The following TNRC6C variants were observed in gnomAD, a reference collection of about 807,000 sequenced individuals.
TNRC6C encodes the protein trinucleotide repeat containing adaptor 6C.
In TNRC6C, 20 loss-of-function variants were observed where a neutral mutation model predicts 153.7. The observed-to-expected ratio is 0.13, with a 90% CI of 0.09 to 0.19. The LOEUF is 0.19. Among genes scored for constraint, TNRC6C ranks in the 10% least tolerant of loss-of-function variants. TNRC6C has a pLI of 1.00. For missense variants in TNRC6C, 1,987 were observed against 2,172.0 expected, an observed-to-expected ratio of 0.91 and a Z score of 1.69; for synonymous variants, 811 against 841.4, an observed-to-expected ratio of 0.96 and a Z score of 0.63.
At chr17:78,015,861 G>A (rs1316239210) in intron 1 of TNRC6C, among the ~76,000 whole-genome samples, 10 of 152,142 alleles carry the variant, frequency 6.6e-5, no homozygotes, top group South Asian at 2.1e-4. Flanking sequence ...GCAGTAAGCC[G>A]AGATCATGCC....
intron 2 of TNRC6C, among the ~76,000 whole-genome samples, chr17:78,047,922 A>G (rs907844925): frequency 6.6e-6 from 1 of 152,244 alleles, no homozygotes; most frequent in African/African-American, 2.4e-5. Flanking sequence ...TGTTAAAGTC[A>G]TAGGAAATAA....
chr17:78,069,507 C>T (rs1208364633), intron 5 of TNRC6C, among the ~76,000 whole-genome samples: 2 of 152,194 alleles, frequency 1.3e-5, no homozygotes, highest in Non-Finnish European at 2.9e-5. Context: ...CCTCAGCCTC[C>T]TGAGTAGCTG....
In TNRC6C at chr17:78,077,893, C is replaced by T. The variant is rs142765153; in HGVS notation, c.3210+559C>T. ...AGGAAGGACCTGAGAGTGTTGTTTG[C>T]CACTTCATCTCACTTTTCTCATATA... On this transcript the variant is annotated intron_variant, in intron 9 of 19. Coordinates refer to ENST00000301624, the Ensembl canonical transcript of TNRC6C. 6.6e-3 allele frequency: 1,029 copies of T among 155,670 alleles called. 8 individuals carry two copies. The highest frequency in any genetic ancestry group is 0.019 in the Admixed American group (309 of 15,856). 9.6% of individuals were successfully genotyped at this position (155,670 alleles called of 1,614,324 possible).
chr17:78,044,245 G>T (rs1042234770), intron 2 of TNRC6C, among the ~76,000 whole-genome samples: 3 of 152,084 alleles, frequency 2.0e-5, no homozygotes, highest in Non-Finnish European at 4.4e-5. Context: ...CAGTTAAGTT[G>T]GTTGCTAGTC....
At chr17:78,101,536 G>GAC (rs910781278) in intron 17 of TNRC6C, among the ~76,000 whole-genome samples, 1 of 152,138 alleles carries the variant, frequency 6.6e-6, no homozygotes, top group Non-Finnish European at 1.5e-5. Context: ...AGGAATTAAA[G>GAC]ACACACACAC....
Position 77,981,370 on chromosome 17 carries a change from A to G in TNRC6C, c.-38+22102A>G, listed in dbSNP as rs189272926. ...TTGGAGGGTAGGGCTGAAAGTCCTA[A>G]CCTTCTAATCCTGCCTTGGTGTTTA... is the stretch of plus-strand genomic sequence containing the variant. On this transcript the variant is annotated intron_variant, in intron 1 of 22. Coordinates refer to the TNRC6C transcript ENST00000636222. Among the ~76,000 whole-genome samples the G allele has an allele frequency of 1.4e-3, 214 of 152,206 alleles. 1 individual carries two copies. Among genetic ancestry groups the G allele is most frequent in the African/African-American group, 4.9e-3 (204 of 41,522 alleles).
intron 1 of TNRC6C, among the ~76,000 whole-genome samples, chr17:78,019,800 G>A (rs2071798036): frequency 6.6e-6 from 1 of 152,180 alleles, no homozygotes; most frequent in Admixed American, 6.5e-5. Context: ...AAAAGGGTAG[G>A]TTCCCATGTG....
chr17:78,015,673 A>G (rs149686390), intron 1 of TNRC6C, among the ~76,000 whole-genome samples: 1 of 152,312 alleles, frequency 6.6e-6, no homozygotes, highest in Non-Finnish European at 1.5e-5. Flanking sequence ...CCACTTTGGG[A>G]GGCCGAGGTG....
chr17:77,973,090 A>G (rs2070952402), intron 1 of TNRC6C, among the ~76,000 whole-genome samples: 1 of 152,082 alleles, frequency 6.6e-6, no homozygotes, highest in South Asian at 2.1e-4. Flanking sequence ...TATTTTTAGT[A>G]AAGACGGGGT....
intron 13 of TNRC6C, among the ~76,000 whole-genome samples, chr17:78,090,691 G>A (rs1598782596): frequency 6.6e-6 from 1 of 152,110 alleles, no homozygotes; most frequent in Non-Finnish European, 1.5e-5. Flanking sequence ...AAATAACCAG[G>A]TACCTGCTTT....
exon 2 of TNRC6C, chr17:78,031,813 C>A (rs2072080820): frequency 8.1e-7 from 1 of 1,232,314 alleles, no homozygotes; most frequent in Non-Finnish European, 1.0e-6. Flanking sequence ...GGAGCCGGAA[C>A]ACAGCATCAT....
exon 2 of TNRC6C, chr17:78,031,527 A>G: frequency 2.4e-6 from 3 of 1,232,194 alleles, no homozygotes; most frequent in African/African-American, 1.6e-5. Context: ...GCCAGAACCT[A>G]CTAAGACCTG....
intron 1 of TNRC6C, among the ~76,000 whole-genome samples, chr17:77,971,951 T>TA (rs1259919144): frequency 6.6e-6 from 1 of 151,518 alleles, no homozygotes; most frequent in Non-Finnish European, 1.5e-5. Context: ...TTAAATGTAT[T>TA]AAATATGTAT....
intron 1 of TNRC6C, among the ~76,000 whole-genome samples, chr17:77,974,380 A>G (rs1374640478): frequency 1.2e-4 from 19 of 152,224 alleles, no homozygotes; most frequent in Non-Finnish European, 7.4e-5. Context: ...AGGAATTTGT[A>G]CTTTCATCTA....
intron 1 of TNRC6C, 136 bp downstream of exon 3, chr17:78,005,215 A>C (rs951266963): frequency 2.1e-5 from 11 of 525,512 alleles, no homozygotes; most frequent in Middle Eastern, 5.4e-4. Flanking sequence ...TTTATTATTC[A>C]TTGTGAAATT....
chr17:78,006,495 CTT>C (rs2071501593), intron 1 of TNRC6C, among the ~76,000 whole-genome samples: 1 of 4,664 alleles, frequency 2.1e-4, no homozygotes, highest in South Asian at 0.01. Flanking sequence ...CTTCTTCTTT[CTT>C]CTTCTTCTTC....
At chr17:77,985,920 T>G (rs1019029709) in intron 1 of TNRC6C, among the ~76,000 whole-genome samples, 1 of 152,152 alleles carries the variant, frequency 6.6e-6, no homozygotes, top group Non-Finnish European at 1.5e-5. Context: ...TGGTTGTTAT[T>G]TACAGCTTGT....
intron 1 of TNRC6C, among the ~76,000 whole-genome samples, chr17:77,969,008 G>A (rs997975887): frequency 7.9e-5 from 12 of 152,154 alleles, no homozygotes; most frequent in Non-Finnish European, 1.2e-4. Flanking sequence ...GCCTGTTAGC[G>A]TTGAGATACC....
intron 18 of TNRC6C, chr17:78,102,864 G>A (rs574285414): frequency 7.4e-5 from 24 of 324,730 alleles, no homozygotes; most frequent in African/African-American, 3.3e-4. Context: ...CTGGCTGGGC[G>A]CAGTAGCTCA....
Sources: allele counts gnomAD v4.1 joint callset (sites outside exome capture counted in the v4.1 genomes callset), GRCh38; gene constraint gnomAD v4.1.1; transcripts MANE v1.5; gene names NCBI Gene and HGNC (gene_info 2026-07-23, HGNC 2026-07-21).